PDLIM5: variants seen among roughly 807,000 people sequenced by gnomAD.
PDLIM5 encodes the protein PDZ and LIM domain 5.
Under a neutral mutation model 64.2 loss-of-function variants are expected in PDLIM5, and 34 were observed. That is an observed-to-expected ratio of 0.53 (90% CI 0.40 to 0.71). The LOEUF (loss-of-function observed/expected upper bound fraction) is 0.71. PDLIM5 is among the 30% of genes least tolerant of loss of function. The pLI is 0.00. For missense variants in PDLIM5, 683 were observed against 733.6 expected, an observed-to-expected ratio of 0.93 and a Z score of 0.80; for synonymous variants, 253 against 269.1, an observed-to-expected ratio of 0.94 and a Z score of 0.59.
rs781533131 is a variant in PDLIM5, at chr4:94,575,966, C to A, written c.642C>A (p.Ser214=). Residue 214 remains serine, a synonymous_variant, in exon 5 of 13, where the codon TCC becomes TCA. Transcript: ENST00000317968. ...AGCCCACAGTCACCAGCGTGTGTTC[C>A]GAGACTTCTCAGGAGCTAGCAGAGG... ...PRQPTVTSVC[S]ETSQELAEGQ... 6.2e-7 allele frequency: 1 copy of A among 1,614,012 alleles called. No homozygotes were observed. Among genetic ancestry groups the A allele is most frequent in the African/African-American group, 1.3e-5 (1 of 74,894 alleles).
chr4:94,606,971 T>C (rs985141772), intron 7 of PDLIM5, among the ~76,000 whole-genome samples: 1 of 152,260 alleles, frequency 6.6e-6, no homozygotes, highest in Non-Finnish European at 1.5e-5. Flanking sequence ...ATATGAAAAC[T>C]ATTCTTAGGC....
intron 2 of PDLIM5, among the ~76,000 whole-genome samples, chr4:94,471,901 T>TCTTATAAGTATTTATACTTACAAAGAC (rs1560637405): frequency 2.7e-5 from 4 of 149,024 alleles, no homozygotes; most frequent in East Asian, 2.0e-4. Flanking sequence ...CTTACAAAGA[T>TCTTATAAGTATTTATACTTACAAAGAC]CTTATAAGTA....
intron 8 of PDLIM5, 125 bp downstream of exon 8, chr4:94,618,316 A>T: frequency 1.2e-5 from 7 of 564,798 alleles, no homozygotes; most frequent in South Asian, 6.3e-5. Context: ...TTTAGAAAGG[A>T]CTATCAGGAT....
chr4:94,628,543 T>A (rs1293764900), intron 8 of PDLIM5, among the ~76,000 whole-genome samples: 39 of 151,880 alleles, frequency 2.6e-4, no homozygotes, highest in Admixed American at 2.6e-3. Context: ...TCCTGCTTCA[T>A]TTTTTTTCCC....
At chr4:94,546,319 C>T (rs933574685) in intron 3 of PDLIM5, among the ~76,000 whole-genome samples, 6 of 152,118 alleles carry the variant, frequency 3.9e-5, no homozygotes, top group Admixed American at 3.3e-4. Context: ...TACCTTACCC[C>T]ACCCGGCCCC....
chr4:94,515,566 C>T (rs1460782329), intron 2 of PDLIM5, among the ~76,000 whole-genome samples: 1 of 152,146 alleles, frequency 6.6e-6, no homozygotes, highest in Non-Finnish European at 1.5e-5. Flanking sequence ...CTTAGAGAAA[C>T]TCTGTTCTCA....
chr4:94,479,505 T>A (rs923971832), intron 2 of PDLIM5, among the ~76,000 whole-genome samples: 9 of 151,650 alleles, frequency 5.9e-5, no homozygotes, highest in Middle Eastern at 3.2e-3. Context: ...TTTTTATTTT[T>A]TTTTTTGTAG....
At chr4:94,521,304 G>T (rs181692012) in intron 2 of PDLIM5, among the ~76,000 whole-genome samples, 299 of 152,242 alleles carry the variant, frequency 2.0e-3, no homozygotes, top group Non-Finnish European at 3.0e-3. Context: ...AGAATGTGAA[G>T]GTAGGAAAGG....
intron 5 of PDLIM5, 25 bp from the exon 6 acceptor site, chr4:94,585,540 A>ATTT: frequency 1.5e-6 from 2 of 1,362,412 alleles, no homozygotes; most frequent in Non-Finnish European, 9.8e-7. Context: ...ACAATTTTTA[A>ATTT]TTTTTTTTTT....
intron 7 of PDLIM5, among the ~76,000 whole-genome samples, chr4:94,602,329 T>C (rs2110352929): frequency 6.6e-6 from 1 of 152,364 alleles, no homozygotes; most frequent in African/African-American, 2.4e-5. Context: ...TTAAGATTTT[T>C]TTAAGGTTCG....
chr4:94,530,732 C>G (rs1443987176), intron 3 of PDLIM5, among the ~76,000 whole-genome samples: 1 of 152,100 alleles, frequency 6.6e-6, no homozygotes, highest in Non-Finnish European at 1.5e-5. Context: ...TCCCCTTCTT[C>G]TTCATCCTTC....
At chr4:94,514,285 C>G (rs1450233172) in intron 2 of PDLIM5, among the ~76,000 whole-genome samples, 1 of 152,002 alleles carries the variant, frequency 6.6e-6, no homozygotes, top group Non-Finnish European at 1.5e-5. Flanking sequence ...CAGGTGCCCA[C>G]CATCACGCCC....
At chr4:94,658,038 C>T (rs1279609226) in intron 11 of PDLIM5, among the ~76,000 whole-genome samples, 2 of 152,102 alleles carry the variant, frequency 1.3e-5, no homozygotes, top group Non-Finnish European at 2.9e-5. Context: ...ACAGATATTC[C>T]CAACTTTATT....
At chr4:94,654,280 T>C (rs1742049847) in intron 9 of PDLIM5, among the ~76,000 whole-genome samples, 180 bp from the exon 10 acceptor site, 1 of 152,190 alleles carries the variant, frequency 6.6e-6, no homozygotes, top group Non-Finnish European at 1.5e-5. Flanking sequence ...CGTTTTCTTT[T>C]CACATCAATG....
intron 7 of PDLIM5, among the ~76,000 whole-genome samples, chr4:94,609,906 G>T (rs1305923767): frequency 6.6e-6 from 1 of 152,192 alleles, no homozygotes; most frequent in Non-Finnish European, 1.5e-5. Flanking sequence ...AATACAGTCA[G>T]TGAATTTAAA....
In PDLIM5 at chr4:94,662,521, C is replaced by CT. The variant is rs767760899; in HGVS notation, c.1687dup (p.Cys563LeufsTer9). The CT allele has an allele frequency of 2.5e-6, 4 of 1,573,824 alleles. No individual in the cohort carries two copies. The highest frequency in any genetic ancestry group is 2.6e-6 in the Non-Finnish European group (3 of 1,143,306). ...GCTCTGGGCTACACCTGGCATGACA[C>CT]TTGCTTTGTATGCTCAGTAAGTAGA... is the stretch of plus-strand genomic sequence containing the variant. On this transcript the variant is annotated frameshift_variant, in exon 12 of 13. Coordinates refer to ENST00000317968, the MANE Select transcript of PDLIM5 (RefSeq NM_006457.5). LOFTEE classifies it high-confidence loss of function.
At chr4:94,512,209 C>T (rs1419383852) in intron 2 of PDLIM5, among the ~76,000 whole-genome samples, 5 of 151,860 alleles carry the variant, frequency 3.3e-5, no homozygotes, top group East Asian at 3.9e-4. Context: ...TTAGTAGAGA[C>T]GGGGTTTCAC....
chr4:94,589,508 G>A (rs1736505682), intron 7 of PDLIM5, among the ~76,000 whole-genome samples: 1 of 152,174 alleles, frequency 6.6e-6, no homozygotes, highest in Non-Finnish European at 1.5e-5. Context: ...CCTGAGTTCA[G>A]TGAATCTCCT....
chr4:94,561,554 A>G (rs1024185250), intron 3 of PDLIM5, among the ~76,000 whole-genome samples: 3 of 152,140 alleles, frequency 2.0e-5, no homozygotes, highest in African/African-American at 4.8e-5. Flanking sequence ...GTTTTTTTCT[A>G]TGCACTGGTT....
Sources: gnomAD v4.1 joint callset for allele counts (sites outside exome capture counted in the v4.1 genomes callset) on GRCh38, gnomAD v4.1.1 for gene constraint, MANE v1.5 for transcripts, NCBI Gene and HGNC (gene_info 2026-07-23, HGNC 2026-07-21) for gene names.